Variants in TRIM47 observed in about 807,000 individuals in gnomAD.
The protein encoded by TRIM47 is E3 ubiquitin-protein ligase TRIM47.
A neutral mutation model predicts 54.4 loss-of-function variants in TRIM47; 46 were observed. The ratio of observed to expected loss-of-function variants is 0.84; its 90% CI spans 0.67 to 1.08. TRIM47 has a LOEUF of 1.08. TRIM47 is among the 50% of genes least tolerant of loss of function. TRIM47 has a pLI of 0.00. For synonymous variants in TRIM47, 392 were observed against 410.2 expected, an observed-to-expected ratio of 0.96 and a Z score of 0.54; for missense variants, 825 against 910.1, an observed-to-expected ratio of 0.91 and a Z score of 1.20.
In TRIM47 at chr17:75,876,485, G is replaced by C; in HGVS notation, c.779C>G (p.Ala260Gly). Reference sequence around the variant, plus strand: ...GCTCACCCTCTCCCGCTCTGCTACGGCTGCACTCTGCACAGGACGACAGTA... The same window carrying C: ...GCTCACCCTCTCCCGCTCTGCTACGCCTGCACTCTGCACAGGACGACAGTA... ...RRTVALIKSA[A>G]VAERERVSRL... is the part of the protein sequence containing the mutation. Residue 260 changes from alanine to glycine, a missense_variant, in exon 3 of 6, where the codon GCC (alanine) becomes GGC (glycine). By Grantham distance (60) the Ala-to-Gly change is moderately conservative. Transcript: ENST00000254816. 1 of 1,603,390 alleles carries C rather than the reference G, an allele frequency of 6.2e-7. No individual in the cohort carries two copies.
rs567457667 is a variant in TRIM47 at position 75,878,025 on chromosome 17, C to T, written c.524G>A (p.Arg175His). 2.1e-6 allele frequency: 3 copies of T among 1,434,632 alleles called. No individual in the cohort carries two copies. Among genetic ancestry groups the T allele is most frequent in the Non-Finnish European group, 2.7e-6 (3 of 1,096,924 alleles). The allele number at this position is 1,434,632 out of a possible 1,614,324, so 88.9% of individuals were successfully genotyped here. ...CGGGCACAGGCTCTCCTCTAGCCGG[C>T]GCAGCGGCGGCACCAGGCGGTGTCC... is the stretch of plus-strand genomic sequence containing the variant. ...LRGHRLVPPLRRLEESLCPRH... is the reference protein window; with the variant it reads ...LRGHRLVPPLHRLEESLCPRH... The change falls in exon 1 of 6, where the codon CGC becomes CAC. Residue 175 changes from arginine (R) to histidine (H), a missense_variant. Physicochemically the swap from Arg to His is conservative, Grantham distance 29. Coordinates refer to ENST00000254816, the MANE Select transcript of TRIM47 (RefSeq NM_033452.3).
At chr17:75,877,035 G>A (rs2065139798) in intron 1 of TRIM47, 3 of 572,296 alleles carry the variant, frequency 5.2e-6, no homozygotes, top group Non-Finnish European at 9.4e-6. Flanking sequence ...CTGACTGGGT[G>A]TCTGCCTCGG....
rs2143969833 is a variant in TRIM47 at position 75,875,737 on chromosome 17, T to C, written c.1201+164A>G. The C allele has an allele frequency of 1.2e-6, 1 of 852,546 alleles. No individual in the cohort carries two copies. The highest frequency in any genetic ancestry group is 1.8e-6 in the Non-Finnish European group (1 of 557,234). 52.8% of individuals were successfully genotyped at this position (852,546 alleles called of 1,614,324 possible). A position where few individuals can be genotyped will look rare whatever the true frequency, so the allele number is the denominator to read the frequency against. On this transcript the variant is annotated intron_variant, in intron 4 of 5. Coordinates refer to ENST00000254816, the MANE Select transcript of TRIM47 (RefSeq NM_033452.3). This position sits in a 1 kb window ranked among gnomAD's most constrained non-coding sequence, Gnocchi z 6.1. ...CTCTACCCCAGGTCCAAGGGGCTGA[T>C]TGATCCCCACAGGGTGGCAGCTCTA...
Position 75,876,796 on chromosome 17 carries a change from G to T in TRIM47, c.693C>A (p.Val231=), listed in dbSNP as rs745369439. The part of the protein sequence containing the change: ...RALQEAEQSK[V]LSAVEDRMDE... ...CCATGCGGTCCTCCACGGCGCTCAG[G>T]ACTTTGGACTGCTCAGCCTGTGGAC... Residue 231 remains valine (V), a synonymous_variant, in exon 2 of 6, where the codon GTC becomes GTA. Transcript: ENST00000254816. 4 of 1,613,966 alleles carry T rather than the reference G, an allele frequency of 2.5e-6. No homozygotes were observed. The highest frequency in any genetic ancestry group is 2.5e-6 in the Non-Finnish European group (3 of 1,180,036).
chr17:75,874,838 C>T lies in TRIM47; in HGVS notation c.1562G>A (p.Cys521Tyr), dbSNP rs201795953. 137 of 1,614,146 alleles carry T rather than the reference C, an allele frequency of 8.5e-5. No homozygotes were observed. Among genetic ancestry groups the T allele is most frequent in the Middle Eastern group, 3.3e-4 (2 of 6,062 alleles). ...GRLGRNAHSC[C>Y]LQWNGRSFSV... ...GAAGCTGCGTCCATTCCACTGCAGGCAGCAGGAGTGGGCGTTGCGGCCCAG... is the reference window on the plus strand; with the variant it reads ...GAAGCTGCGTCCATTCCACTGCAGGTAGCAGGAGTGGGCGTTGCGGCCCAG... The change falls in exon 6 of 6, where the codon TGC becomes TAC. Residue 521 changes from cysteine (C) to tyrosine (Y), a missense_variant. Physicochemically the swap from Cys to Tyr is radical, Grantham distance 194 (BLOSUM62 -2). Transcript: ENST00000254816. This position sits in a 1 kb window ranked among gnomAD's most constrained non-coding sequence, Gnocchi z 6.2.
In TRIM47 at chr17:75,876,703, G is replaced by A. The variant is rs1267022537; in HGVS notation, c.771+15C>T. 1 of 1,613,814 alleles carries A rather than the reference G, an allele frequency of 6.2e-7. No individual in the cohort carries two copies. The highest frequency in any genetic ancestry group is 1.7e-5 in the Admixed American group (1 of 60,022). On this transcript the variant is annotated intron_variant, in intron 2 of 5. Coordinates refer to ENST00000254816, the MANE Select transcript of TRIM47 (RefSeq NM_033452.3). ...TTGGAGTGGATTGTTCCATGCTGAG[G>A]GAGGGGTGTTTGACCTTGATGAGGG...
At chr17:75,877,079 G>A (rs1046556895) in intron 1 of TRIM47, 1 of 504,438 alleles carries the variant, frequency 2.0e-6, no homozygotes, top group Non-Finnish European at 3.6e-6. Flanking sequence ...AGGGCCGTCC[G>A]CTGGTCTCAG....
chr17:75,876,055 A>C lies in TRIM47; in HGVS notation c.1047T>G (p.Pro349=), dbSNP rs1291637890. 2 of 1,602,264 alleles carry C rather than the reference A, an allele frequency of 1.2e-6. No homozygotes were observed. Among genetic ancestry groups the C allele is most frequent in the Non-Finnish European group, 1.7e-6 (2 of 1,179,960 alleles). ...TGAGCTCCCTCGGGGGTCCAGGCCC[A>C]GGGCCACACCCATCCTCCAGGGCCA... The part of the protein sequence containing the change: ...LRLALEDGCG[P]GPGPPRELSF... The change falls in exon 4 of 6, where the codon CCT becomes CCG. Residue 349 remains proline, a synonymous_variant. Transcript: ENST00000254816.
intron 1 of TRIM47, 98 bp downstream of exon 1, chr17:75,877,776 A>T: frequency 7.9e-7 from 1 of 1,263,322 alleles, no homozygotes; most frequent in Non-Finnish European, 1.0e-6. Context: ...GGAGATTAAG[A>T]CCCAACCCGG....
chr17:75,876,375 G>A lies in TRIM47; in HGVS notation c.889C>T (p.Leu297=), dbSNP rs753356339. The change falls in exon 3 of 6, where the codon CTA becomes TTA. Residue 297 remains leucine (L), a synonymous_variant. Coordinates refer to ENST00000254816, the MANE Select transcript of TRIM47 (RefSeq NM_033452.3). The part of the protein sequence containing the change: ...GFIEEGEAAM[L]GRSQGDLRRQ... ...CGCAGGTCACCCTGGGAGCGGCCTAGCATGGCAGCTTCCCCCTCCTCGATG... is the reference window on the plus strand; with the variant it reads ...CGCAGGTCACCCTGGGAGCGGCCTAACATGGCAGCTTCCCCCTCCTCGATG... 1.2e-6 allele frequency: 2 copies of A among 1,612,236 alleles called. No homozygotes were observed. Among genetic ancestry groups the A allele is most frequent in the Non-Finnish European group, 1.7e-6 (2 of 1,179,972 alleles).
At position 75,875,164 on chromosome 17, in the gene TRIM47, A is replaced by C; in HGVS notation, c.1277-41T>G. ...GAAGAGAGAGGCAGGGCTCAGGGCCAGGCTCAGAGGGCACGGCCCCTCCCC... is the reference window on the plus strand; with the variant it reads ...GAAGAGAGAGGCAGGGCTCAGGGCCCGGCTCAGAGGGCACGGCCCCTCCCC... On this transcript the variant is annotated intron_variant, in intron 5 of 5. Transcript: ENST00000254816. This position sits in a 1 kb window ranked among gnomAD's most constrained non-coding sequence, Gnocchi z 6.1. 1 of 1,549,212 alleles carries C rather than the reference A, an allele frequency of 6.5e-7. No individual in the cohort carries two copies. Among genetic ancestry groups the C allele is most frequent in the Non-Finnish European group, 8.7e-7 (1 of 1,147,028 alleles).
In TRIM47 at chr17:75,874,409, C is replaced by G; in HGVS notation, c.*74G>C. On this transcript the variant is annotated 3_prime_UTR_variant, in exon 6 of 6. Transcript: ENST00000254816. The surrounding 1 kb of genome is among the most constrained non-coding windows in gnomAD (Gnocchi z 6.2). ...GTGTGGGACTCATGCTGGTGCCTTC[C>G]CAGACGAAGGAGAGGGCCCAGAGGA... 1.4e-6 allele frequency: 2 copies of G among 1,398,880 alleles called. No homozygotes were observed. Among genetic ancestry groups the G allele is most frequent in the Non-Finnish European group, 1.9e-6 (2 of 1,050,308 alleles). The allele number at this position is 1,398,880 out of a possible 1,614,324, so 86.7% of individuals were successfully genotyped here. A position where few individuals can be genotyped will look rare whatever the true frequency, so the allele number is the denominator to read the frequency against.
Position 75,878,384 on chromosome 17 carries a change from C to A in TRIM47, c.165G>T (p.Pro55=). The change falls in exon 1 of 6, where the codon CCG becomes CCT. Residue 55 remains proline (P), a synonymous_variant. Transcript: ENST00000254816. ...AGGPGGAARC[P]LCQEPFPDGL... is the part of the protein sequence containing the mutation. ...CGTCGGGGAAGGGCTCCTGGCACAG[C>A]GGGCAGCGGGCCGCGCCTCCGGGTC... 7.1e-7 allele frequency: 1 copy of A among 1,407,510 alleles called. No individual in the cohort carries two copies. Among genetic ancestry groups the A allele is most frequent in the Non-Finnish European group, 9.3e-7 (1 of 1,074,332 alleles). 87.2% of individuals were successfully genotyped at this position (1,407,510 alleles called of 1,614,324 possible).
chr17:75,876,062 C>T lies in TRIM47; in HGVS notation c.1040G>A (p.Cys347Tyr), dbSNP rs1399310111. The T allele has an allele frequency of 6.2e-7, 1 of 1,601,976 alleles. No individual in the cohort carries two copies. Among genetic ancestry groups the T allele is most frequent in the South Asian group, 1.1e-5 (1 of 91,084 alleles). Residue 347 changes from cysteine to tyrosine, a missense_variant, in exon 4 of 6, where the codon TGT (cysteine) becomes TAT (tyrosine). By Grantham distance (194) the Cys-to-Tyr change is radical. Coordinates refer to ENST00000254816, the MANE Select transcript of TRIM47 (RefSeq NM_033452.3). ...CCTCGGGGGTCCAGGCCCAGGGCCA[C>T]ACCCATCCTCCAGGGCCAGCCTTAG... ...LALRLALEDGCGPGPGPPREL... is the reference protein window; with the variant it reads ...LALRLALEDGYGPGPGPPREL...
intron 1 of TRIM47, chr17:75,877,531 C>A: frequency 2.2e-6 from 1 of 451,964 alleles, no homozygotes; most frequent in Non-Finnish European, 3.3e-6. Flanking sequence ...GAGCTGAGAC[C>A]GGCGTGACCC....
In TRIM47 at chr17:75,875,930, T is replaced by G. The variant is rs760788464; in HGVS notation, c.1172A>C (p.Glu391Ala). 3.7e-6 allele frequency: 6 copies of G among 1,612,174 alleles called. No individual in the cohort carries two copies. In the East Asian group the frequency reaches 1.3e-4, roughly 36 times the overall value. Residue 391 changes from glutamate to alanine, a missense_variant, in exon 4 of 6, where the codon GAG (glutamate) becomes GCG (alanine). Transcript: ENST00000254816. This position sits in a 1 kb window ranked among gnomAD's most constrained non-coding sequence, Gnocchi z 6.1. The stretch of plus-strand genomic sequence containing the variant: ...CGAGTCCAGCTTCTGTGGCCCATCC[T>G]CGTTGCCACCCGGCCCCCTCAGCTG... Reference protein sequence around the residue: ...WEQLRGPGGNEDGPQKLDSEA... With the variant: ...WEQLRGPGGNADGPQKLDSEA...
Position 75,875,950 on chromosome 17 carries a change from C to G in TRIM47, c.1152G>C (p.Leu384=). Residue 384 remains leucine (L), a synonymous_variant, in exon 4 of 6, where the codon CTG becomes CTC. Coordinates refer to ENST00000254816, the MANE Select transcript of TRIM47 (RefSeq NM_033452.3). This position sits in a 1 kb window ranked among gnomAD's most constrained non-coding sequence, Gnocchi z 6.1. The part of the protein sequence containing the change: ...AVACVNQWEQ[L]RGPGGNEDGP... Reference sequence around the variant, plus strand: ...CATCCTCGTTGCCACCCGGCCCCCTCAGCTGCTCCCACTGGTTGACGCAGG... The same window carrying G: ...CATCCTCGTTGCCACCCGGCCCCCTGAGCTGCTCCCACTGGTTGACGCAGG... The G allele has an allele frequency of 6.2e-7, 1 of 1,611,164 alleles. No homozygotes were observed. The highest frequency in any genetic ancestry group is 8.5e-7 in the Non-Finnish European group (1 of 1,179,964).
intron 3 of TRIM47, 75 bp downstream of exon 3, chr17:75,876,187 C>A: frequency 6.4e-7 from 1 of 1,564,440 alleles, no homozygotes; most frequent in Non-Finnish European, 8.6e-7. Flanking sequence ...AAGTCATGCA[C>A]CCACTGCCTC....
At chr17:75,877,484 C>A in intron 1 of TRIM47, 1 of 234,786 alleles carries the variant, frequency 4.3e-6, no homozygotes, top group Non-Finnish European at 7.8e-6. Context: ...GCCTGCCACA[C>A]CCATCGAAAG....
Sources: allele counts gnomAD v4.1 joint callset, GRCh38; gene constraint gnomAD v4.1.1; non-coding constraint Gnocchi (gnomAD v3.1); transcripts MANE v1.5; gene names NCBI Gene and HGNC (gene_info 2026-07-23, HGNC 2026-07-21).